DLG2: variants seen among roughly 807,000 people sequenced by gnomAD.
The protein encoded by DLG2 is discs large MAGUK scaffold protein 2.
DLG2 carries 45 observed loss-of-function variants against 132.5 expected under a neutral mutation model. The ratio of observed to expected loss-of-function variants is 0.34; its 90% CI spans 0.27 to 0.44. The LOEUF is 0.44. Ranked by LOEUF, DLG2 falls within the 20% of genes least tolerant of loss-of-function variation. The pLI is 1.00. For synonymous variants in DLG2, 424 were observed against 419.6 expected (o/e 1.01, Z -0.13); for missense variants, 1,045 against 1,196.9 (o/e 0.87, Z 1.87).
At chr11:85,074,030 G>C (rs1359585289) in intron 6 of DLG2, among the ~76,000 whole-genome samples, 1 of 151,800 alleles carries the variant, frequency 6.6e-6, no homozygotes, top group Non-Finnish European at 1.5e-5. Context: ...TCACAAGTGG[G>C]AGCTAAACAT....
Position 84,520,275 on chromosome 11 carries a change from T to A in DLG2, c.519+14295A>T, listed in dbSNP as rs187390286. ...TAAACAATTTAAAGATGAACTACCATGTCATTGTGAGCTGAGTCTATTCTC... is the reference window on the plus strand; with the variant it reads ...TAAACAATTTAAAGATGAACTACCAAGTCATTGTGAGCTGAGTCTATTCTC... On this transcript the variant is annotated intron_variant, in intron 7 of 27. Transcript: ENST00000376104. 1.0e-3 allele frequency among the ~76,000 whole-genome samples: 152 copies of A among 152,320 alleles called. 1 individual carries two copies. The highest frequency in any genetic ancestry group is 3.4e-3 in the African/African-American group (140 of 41,580).
intron 6 of DLG2, among the ~76,000 whole-genome samples, chr11:84,561,061 A>T (rs1226077443): frequency 2.0e-5 from 3 of 152,066 alleles, no homozygotes; most frequent in Non-Finnish European, 4.4e-5. Flanking sequence ...TGACTACTTA[A>T]TTATAGCCAT....
At chr11:84,926,569 C>A (rs186043300) in intron 6 of DLG2, among the ~76,000 whole-genome samples, 2 of 151,836 alleles carry the variant, frequency 1.3e-5, no homozygotes, top group African/African-American at 4.8e-5. Context: ...TATTTACATA[C>A]ACTTGTAGGG....
At chr11:84,126,227 T>C (rs1213328987) in intron 9 of DLG2, among the ~76,000 whole-genome samples, 2 of 152,208 alleles carry the variant, frequency 1.3e-5, no homozygotes, top group Middle Eastern at 3.4e-3. Flanking sequence ...GGAGAATTAG[T>C]ATAGTTACCT....
chr11:85,138,215 A>C (rs993935232), intron 5 of DLG2, among the ~76,000 whole-genome samples: 1 of 152,172 alleles, frequency 6.6e-6, no homozygotes, highest in Non-Finnish European at 1.5e-5. Flanking sequence ...TAGCTCTCCC[A>C]GTTATTATCA....
intron 17 of DLG2, among the ~76,000 whole-genome samples, chr11:83,831,886 G>C (rs1054608594): frequency 6.6e-6 from 1 of 151,936 alleles, no homozygotes; most frequent in Non-Finnish European, 1.5e-5. Context: ...ATAAATATTT[G>C]AATAAGTTAA....
intron 19 of DLG2, among the ~76,000 whole-genome samples, chr11:83,550,156 ATTG>A (rs2141999698): frequency 6.6e-6 from 1 of 152,258 alleles, no homozygotes; most frequent in East Asian, 1.9e-4. Context: ...GTCCATTTCT[ATTG>A]TTCCTAAAAA....
intron 7 of DLG2, among the ~76,000 whole-genome samples, chr11:84,496,967 A>G (rs2099186217): frequency 6.6e-6 from 1 of 152,134 alleles, no homozygotes; most frequent in African/African-American, 2.4e-5. Context: ...TACAGAGAAT[A>G]ATAGGTTAAG....
chr11:84,622,238 T>C (rs1401025678), intron 6 of DLG2, among the ~76,000 whole-genome samples: 1 of 152,166 alleles, frequency 6.6e-6, no homozygotes, highest in Non-Finnish European at 1.5e-5. Context: ...TGGAAGTACC[T>C]TTATCCTGAA....
chr11:85,468,064 G>C (rs568333973), intron 3 of DLG2, among the ~76,000 whole-genome samples: 8 of 152,162 alleles, frequency 5.3e-5, no homozygotes, highest in African/African-American at 1.9e-4. Flanking sequence ...GAGGAATTTA[G>C]CCATTTCTTC....
At chr11:83,656,963 C>A (rs944666226) in intron 18 of DLG2, among the ~76,000 whole-genome samples, 1 of 152,152 alleles carries the variant, frequency 6.6e-6, no homozygotes, top group African/African-American at 2.4e-5. Context: ...CCCTACAAGG[C>A]CTTTGTTACC....
chr11:85,128,969 T>C (rs75884290), intron 5 of DLG2, among the ~76,000 whole-genome samples: 123 of 152,306 alleles, frequency 8.1e-4, no homozygotes, highest in African/African-American at 2.8e-3. Flanking sequence ...ACATAGGTAA[T>C]ATATCCTTTT....
chr11:85,072,708 C>A (rs1245902938), intron 6 of DLG2, among the ~76,000 whole-genome samples: 1 of 151,724 alleles, frequency 6.6e-6, no homozygotes, highest in Non-Finnish European at 1.5e-5. Context: ...GAATACAAAC[C>A]CAAGTCTATG....
intron 7 of DLG2, among the ~76,000 whole-genome samples, chr11:84,532,479 G>A (rs372399397): frequency 2.6e-5 from 4 of 152,176 alleles, no homozygotes; most frequent in Admixed American, 6.5e-5. Flanking sequence ...GAAAGGTGGC[G>A]AATTTTGTGT....
chr11:84,867,378 A>G (rs1012685645), intron 6 of DLG2, among the ~76,000 whole-genome samples: 1 of 152,194 alleles, frequency 6.6e-6, no homozygotes. Context: ...GTGAACAGAG[A>G]CAGTTGTTTT....
intron 7 of DLG2, among the ~76,000 whole-genome samples, chr11:84,529,057 G>A (rs1216888195): frequency 6.6e-6 from 1 of 152,048 alleles, no homozygotes; most frequent in East Asian, 1.9e-4. Context: ...ACCTTAAAAC[G>A]GACTTTTTTT....
chr11:83,945,200 C>T (rs543384384), intron 14 of DLG2, among the ~76,000 whole-genome samples: 11 of 152,226 alleles, frequency 7.2e-5, no homozygotes, highest in South Asian at 2.1e-4. Flanking sequence ...CGCTTGAACT[C>T]GGGAGGCAGA....
chr11:85,227,853 A>C (rs1260520916), intron 4 of DLG2, among the ~76,000 whole-genome samples: 1 of 151,794 alleles, frequency 6.6e-6, no homozygotes, highest in Non-Finnish European at 1.5e-5. Flanking sequence ...TCTCCTATTT[A>C]TTTCTAGCCA....
intron 6 of DLG2, chr11:85,021,186 C>A: frequency 2.0e-6 from 2 of 1,018,714 alleles, no homozygotes; most frequent in African/African-American, 1.6e-5. Flanking sequence ...CAGCTTTTTC[C>A]CTTCGTGAGT....
Sources: allele counts gnomAD v4.1 joint callset (sites outside exome capture counted in the v4.1 genomes callset), GRCh38; gene constraint gnomAD v4.1.1; transcripts MANE v1.5; gene names NCBI Gene and HGNC (gene_info 2026-07-23, HGNC 2026-07-21).